ZFHX3: variants seen among roughly 807,000 people sequenced by gnomAD.
ZFHX3 encodes the protein zinc finger homeobox protein 3.
Under a neutral mutation model 279.1 loss-of-function variants are expected in ZFHX3, and 42 were observed. That is an observed-to-expected ratio of 0.15 (90% CI 0.12 to 0.19). The LOEUF is 0.19. Ranked by LOEUF, ZFHX3 falls within the 10% of genes least tolerant of loss-of-function variation. The probability of loss-of-function intolerance (pLI) is 1.00; values close to 1 mark genes in which losing one functional copy is unlikely to be tolerated. For missense variants in ZFHX3, 4,981 were observed against 4,754.0 expected (o/e 1.05, Z -1.40); for synonymous variants, 2,293 against 1,957.8 (o/e 1.17, Z -4.52).
At chr16:73,598,202 A>G (rs1287362690) in intron 2 of ZFHX3, among the ~76,000 whole-genome samples, 1 of 152,134 alleles carries the variant, frequency 6.6e-6, no homozygotes, top group Non-Finnish European at 1.5e-5. Context: ...CAGTATAACA[A>G]ATTTCTGCAT....
chr16:73,526,332 T>C lies in ZFHX3; in HGVS notation c.-1546-70074A>G, dbSNP rs1597369899. On this transcript the variant is annotated intron_variant, in intron 2 of 17. Transcript: ENST00000641206. ...GCCAGTGCGCTCTAGCAAGGCCTTATATTAATTAGACAGAAGCTCCAGAAA... is the reference window on the plus strand; with the variant it reads ...GCCAGTGCGCTCTAGCAAGGCCTTACATTAATTAGACAGAAGCTCCAGAAA... 1.3e-5 allele frequency among the ~76,000 whole-genome samples: 2 copies of C among 152,364 alleles called. 1 individual carries two copies. The highest frequency in any genetic ancestry group is 4.1e-4 in the South Asian group (2 of 4,830).
chr16:73,148,555 CTTTTTTTTTTT>C (rs36018349), intron 5 of ZFHX3, among the ~76,000 whole-genome samples: 25 of 55,416 alleles, frequency 4.5e-4, no homozygotes, highest in Admixed American at 1.9e-3. Context: ...AAATGCTGGG[CTTTTTTTTTTT>C]TTTTTTTTTT....
chr16:73,454,402 C>G (rs547919729), intron 3 of ZFHX3, among the ~76,000 whole-genome samples: 61 of 152,190 alleles, frequency 4.0e-4, no homozygotes, highest in African/African-American at 1.2e-3. Context: ...GAACCTGATG[C>G]CGATCCCAAA....
chr16:73,031,281 G>GA (rs1026031018), intron 1 of ZFHX3, among the ~76,000 whole-genome samples: 33 of 152,108 alleles, frequency 2.2e-4, no homozygotes, highest in Non-Finnish European at 2.8e-4. Context: ...CCTGGCGGCG[G>GA]GGGGGGAAGT....
chr16:73,627,992 G>T (rs1212214658), intron 2 of ZFHX3, among the ~76,000 whole-genome samples: 1 of 152,186 alleles, frequency 6.6e-6, no homozygotes, highest in African/African-American at 2.4e-5. Flanking sequence ...GGTTAAGCTA[G>T]TGGGGTAGAG....
chr16:73,587,678 C>G (rs1209103281), intron 2 of ZFHX3, among the ~76,000 whole-genome samples: 1 of 152,004 alleles, frequency 6.6e-6, no homozygotes, highest in Non-Finnish European at 1.5e-5. Flanking sequence ...GGAGCACTTT[C>G]CAATAAAGAA....
intron 1 of ZFHX3, among the ~76,000 whole-genome samples, chr16:73,008,350 T>A (rs1215107464): frequency 4.6e-5 from 7 of 152,196 alleles, no homozygotes; most frequent in African/African-American, 1.7e-4. Context: ...ATTTTTAAAT[T>A]TTCAAGTAAC....
At chr16:73,513,820 T>C (rs1341755215) in intron 2 of ZFHX3, among the ~76,000 whole-genome samples, 1 of 152,110 alleles carries the variant, frequency 6.6e-6, no homozygotes, top group South Asian at 2.1e-4. Context: ...CTTTGTCTCA[T>C]GCCCACCACA....
intron 2 of ZFHX3, among the ~76,000 whole-genome samples, chr16:73,467,658 T>C (rs2018596005): frequency 6.6e-6 from 1 of 152,212 alleles, no homozygotes; most frequent in Non-Finnish European, 1.5e-5. Flanking sequence ...TGAAAAGTTT[T>C]ATTTTGTTTT....
At chr16:73,556,745 T>C (rs2143780413) in intron 2 of ZFHX3, among the ~76,000 whole-genome samples, 1 of 152,146 alleles carries the variant, frequency 6.6e-6, no homozygotes, top group Non-Finnish European at 1.5e-5. Context: ...ATCCTGGTCT[T>C]CTTTACTCAA....
intron 3 of ZFHX3, among the ~76,000 whole-genome samples, chr16:72,948,461 T>C (rs1208856954): frequency 6.6e-6 from 1 of 152,136 alleles, no homozygotes; most frequent in African/African-American, 2.4e-5. Flanking sequence ...ACCTCGTCTC[T>C]TCCAACCACA....
At chr16:73,107,048 G>A (rs1466929129) in intron 7 of ZFHX3, among the ~76,000 whole-genome samples, 1 of 152,200 alleles carries the variant, frequency 6.6e-6, no homozygotes, top group Non-Finnish European at 1.5e-5. Flanking sequence ...TGGGTGCAGT[G>A]CCTCATGCCT....
chr16:73,667,300 C>G (rs1273253704), intron 2 of ZFHX3, among the ~76,000 whole-genome samples: 2 of 152,182 alleles, frequency 1.3e-5, no homozygotes, highest in African/African-American at 2.4e-5. Context: ...GGATATGCAA[C>G]TATTTATCCA....
intron 2 of ZFHX3, among the ~76,000 whole-genome samples, chr16:73,577,767 C>T (rs2051815885): frequency 6.6e-6 from 1 of 152,196 alleles, no homozygotes; most frequent in African/African-American, 2.4e-5. Flanking sequence ...TGGTAGTCAG[C>T]TTGTTTTCTC....
At chr16:73,582,496 T>C (rs1431564017) in intron 2 of ZFHX3, among the ~76,000 whole-genome samples, 1 of 151,926 alleles carries the variant, frequency 6.6e-6, no homozygotes, top group Non-Finnish European at 1.5e-5. Context: ...ATTTTTGAGA[T>C]GGAGTTTCAC....
At chr16:72,917,875 G>T (rs922147668) in intron 3 of ZFHX3, among the ~76,000 whole-genome samples, 4 of 152,108 alleles carry the variant, frequency 2.6e-5, no homozygotes, top group Non-Finnish European at 5.9e-5. Flanking sequence ...ATATATGTGT[G>T]TATATAAAGA....
intron 1 of ZFHX3, among the ~76,000 whole-genome samples, chr16:73,703,861 G>A (rs1361755354): frequency 6.6e-6 from 1 of 152,170 alleles, no homozygotes; most frequent in Non-Finnish European, 1.5e-5. Context: ...GAGGCCTGCT[G>A]AGTTTGTTAA....
At chr16:73,069,521 T>C (rs911088394) in intron 8 of ZFHX3, among the ~76,000 whole-genome samples, 1 of 152,192 alleles carries the variant, frequency 6.6e-6, no homozygotes, top group Non-Finnish European at 1.5e-5. Flanking sequence ...CAGGGAAGAT[T>C]AAGCAAAAGA....
chr16:73,667,311 T>G (rs1297642739), intron 2 of ZFHX3, among the ~76,000 whole-genome samples: 7 of 152,162 alleles, frequency 4.6e-5, no homozygotes, highest in Admixed American at 4.6e-4. Flanking sequence ...TATTTATCCA[T>G]TCACTAGTTG....
Sources: gnomAD v4.1 joint callset for allele counts (sites outside exome capture counted in the v4.1 genomes callset) on GRCh38, gnomAD v4.1.1 for gene constraint, MANE v1.5 for transcripts, NCBI Gene and HGNC (gene_info 2026-07-23, HGNC 2026-07-21) for gene names.